Variants in BCORL1 observed in about 807,000 individuals in gnomAD.
BCORL1 encodes the protein BCL-6 corepressor-like protein 1.
Under a neutral mutation model 87.6 loss-of-function variants are expected in BCORL1, and 7 were observed. The observed-to-expected ratio is 0.08, with a 90% CI of 0.05 to 0.15. The LOEUF is 0.15. BCORL1 is among the 10% of genes least tolerant of loss of function. The pLI, the probability that BCORL1 is intolerant of heterozygous loss-of-function variation, is 1.00. For missense variants in BCORL1, 1,215 were observed against 1,499.7 expected, an observed-to-expected ratio of 0.81 and a Z score of 3.13; for synonymous variants, 591 against 634.4, an observed-to-expected ratio of 0.93 and a Z score of 1.03.
At chrX:130,043,234 T>C (rs892118706) in intron 11 of BCORL1, among the ~76,000 whole-genome samples, 2 of 110,663 alleles carry the variant, frequency 1.8e-5, no homozygotes, top group African/African-American at 3.3e-5. Flanking sequence ...TTCACCATGT[T>C]GGCCAGGCTG....
rs1931504581 is a variant in BCORL1, at chrX:130,043,759, TATATATATATATATATATATATA to T, written c.4840+4478_4840+4500del. On this transcript the variant is annotated intron_variant, in intron 11 of 13. Coordinates refer to ENST00000540052, the MANE Select transcript of BCORL1 (RefSeq NM_001379451.1). ...CCAGCTAATTTGTTATATATATATA[TATATATATATATATATATATATA>T]TATTTTTTTTTTTTTTTTTTTTTGA... Among the ~76,000 whole-genome samples, 2 of 14,257 alleles carry T rather than the reference TATATATATATATATATATATATA, an allele frequency of 1.4e-4. 1 individual carries two copies. The highest frequency in any genetic ancestry group is 0.067 in the Middle Eastern group (2 of 30). 12.4% of individuals were successfully genotyped at this position (14,257 alleles called of 115,157 possible).
intron 1 of BCORL1, among the ~76,000 whole-genome samples, chrX:130,001,296 C>T (rs766008450): frequency 1.8e-5 from 2 of 111,936 alleles, no homozygotes; most frequent in South Asian, 7.3e-4. Flanking sequence ...CCCATGTTGG[C>T]TATGCTGATC....
chrX:129,999,790 T>C lies in BCORL1; in HGVS notation c.-44-5398T>C, dbSNP rs961696194. Among the ~76,000 whole-genome samples, 3 of 109,742 alleles carry C rather than the reference T, an allele frequency of 2.7e-5. No individual in the cohort carries two copies. The Admixed American group carries it at 2.9e-4, about 11-fold the overall frequency. On this transcript the variant is annotated intron_variant, in intron 1 of 13. Coordinates refer to ENST00000540052, the MANE Select transcript of BCORL1 (RefSeq NM_001379451.1). ...CCCGGGTTCAAGCAATTTTCCTGCA[T>C]CAGCCTCCGAGTAGCTGAGATTACA...
chrX:130,025,087 A>G lies in BCORL1; in HGVS notation c.3786A>G (p.Pro1262=). 1 of 1,211,903 alleles carries G rather than the reference A, an allele frequency of 8.3e-7. No individual in the cohort carries two copies. Among genetic ancestry groups the G allele is most frequent in the East Asian group, 3.0e-5 (1 of 33,836 alleles). ...AAGAAGAGGAGGTAACCCCCACCCC[A>G]GCTAAGCGTCGAAAGGTGAGAAAGA... ...TEEEEEVTPT[P]AKRRKVRKTQ... Residue 1262 remains proline, a synonymous_variant, in exon 7 of 14, where the codon CCA becomes CCG. Coordinates refer to ENST00000540052, the MANE Select transcript of BCORL1 (RefSeq NM_001379451.1).
chrX:130,043,023 G>A (rs1318194452), intron 11 of BCORL1, among the ~76,000 whole-genome samples: 5 of 105,999 alleles, frequency 4.7e-5, no homozygotes, highest in Non-Finnish European at 3.9e-5. Flanking sequence ...GTGGGATTTA[G>A]TACATTCTCT....
Position 130,020,474 on chromosome X carries a change from C to A in BCORL1, c.3442-511C>A, listed in dbSNP as rs751798533. ...TCCTGTGTCATGTTTTTCTTCTTGC[C>A]TTAGTTGAATCTATTTTCTGGTATT... is the stretch of plus-strand genomic sequence containing the variant. On this transcript the variant is annotated intron_variant, in intron 4 of 13. Transcript: ENST00000540052. Among the ~76,000 whole-genome samples the A allele has an allele frequency of 2.7e-5, 3 of 111,802 alleles. No individual in the cohort carries two copies. The South Asian group carries it at 1.1e-3, about 41-fold the overall frequency.
intron 9 of BCORL1, among the ~76,000 whole-genome samples, chrX:130,036,884 G>T (rs1469404100): frequency 1.8e-5 from 2 of 112,009 alleles, no homozygotes; most frequent in African/African-American, 6.5e-5. Flanking sequence ...GGTGGCTCAC[G>T]CCTGTAACCC....
intron 8 of BCORL1, among the ~76,000 whole-genome samples, chrX:130,029,494 G>A (rs1310982180): frequency 2.7e-5 from 3 of 111,190 alleles, no homozygotes; most frequent in African/African-American, 9.8e-5. Context: ...TGTATCCTTA[G>A]AAAAAATCAG....
intron 3 of BCORL1, 69 bp from the exon 4 acceptor site, chrX:130,012,881 C>T (rs1033549152): frequency 8.7e-6 from 10 of 1,149,544 alleles, no homozygotes; most frequent in African/African-American, 5.4e-5. Context: ...AGTTGCCTCT[C>T]GGGCCTCAGG....
At chrX:129,990,073 A>G (rs1926985005) in intron 1 of BCORL1, among the ~76,000 whole-genome samples, 1 of 111,723 alleles carries the variant, frequency 9.0e-6, no homozygotes, top group Non-Finnish European at 1.9e-5. Context: ...GGCATGGGCC[A>G]CCATGCCCGG....
intron 1 of BCORL1, among the ~76,000 whole-genome samples, chrX:129,992,638 T>C (rs1028305154): frequency 8.9e-6 from 1 of 112,136 alleles, no homozygotes; most frequent in Non-Finnish European, 1.9e-5. Flanking sequence ...CAGGAGACTT[T>C]TATAAAAGCA....
intron 10 of BCORL1, 55 bp from the exon 11 acceptor site, chrX:130,039,082 G>A (rs761493494): frequency 8.4e-5 from 99 of 1,180,040 alleles, no homozygotes; most frequent in Non-Finnish European, 1.1e-4. Context: ...CTTAAGTGTA[G>A]ACACCCCAGT....
At chrX:130,043,772 A>ATG (rs1569388558) in intron 11 of BCORL1, among the ~76,000 whole-genome samples, 4 of 19,967 alleles carry the variant, frequency 2.0e-4, no homozygotes, top group African/African-American at 3.8e-4. Flanking sequence ...ATATATATAT[A>ATG]TATATATATA....
At position 130,014,191 on chromosome X, in the gene BCORL1, C is replaced by T. The variant is rs371757810; in HGVS notation, c.1419C>T (p.Ser473=). 5.9e-5 allele frequency: 71 copies of T among 1,208,657 alleles called. No individual in the cohort carries two copies. The African/African-American group carries it at 8.1e-4, about 14-fold the overall frequency. ...CACTGCCAACCACTCTAGGGGTTTC[C>T]TCCACTCTTACGCTCCCTGTCCTGC... The part of the protein sequence containing the change: ...VATLPTTLGV[S]STLTLPVLPS... Residue 473 remains serine (S), a synonymous_variant, in exon 4 of 14, where the codon TCC becomes TCT. Transcript: ENST00000540052.
intron 5 of BCORL1, 81 bp downstream of exon 5, chrX:130,021,231 G>A (rs1035645450): frequency 8.9e-7 from 1 of 1,119,264 alleles, no homozygotes; most frequent in Non-Finnish European, 1.2e-6. Flanking sequence ...AGGGGCTCAG[G>A]CGCTGACTCC....
At position 130,013,775 on chromosome X, in the gene BCORL1, A is replaced by C. The variant is rs745619290; in HGVS notation, c.1003A>C (p.Thr335Pro). The C allele has an allele frequency of 1.5e-5, 17 of 1,167,184 alleles. No individual in the cohort carries two copies. The highest frequency in any genetic ancestry group is 2.3e-4 in the Middle Eastern group (1 of 4,313). Residue 335 changes from threonine (T) to proline (P), a missense_variant, in exon 4 of 14, where the codon ACT becomes CCT. Coordinates refer to ENST00000540052, the MANE Select transcript of BCORL1 (RefSeq NM_001379451.1). ...GACCTTGGTTCTCGCTCCCGTCCCC[A>C]CTCCGGTTCTGGCTCCCATGCCAGC... is the stretch of plus-strand genomic sequence containing the variant. ...APTLVLAPVP[T>P]PVLAPMPAST...
In BCORL1 at chrX:130,057,718, G is replaced by A. The variant is rs1932474669; in HGVS notation, c.*1582G>A. The A allele has an allele frequency of 1.8e-5, 2 of 109,157 alleles. No homozygotes were observed. The highest frequency in any genetic ancestry group is 3.8e-5 in the Non-Finnish European group (2 of 52,455). The allele number at this position is 109,157 out of a possible 1,213,427, so 9.0% of individuals were successfully genotyped here. A position where few individuals can be genotyped will look rare whatever the true frequency, so the allele number is the denominator to read the frequency against. ...CTAGAGGCTCCTGAGCCATGCGGGA[G>A]CATTGGTGGTTATTTTCTTTGTATT... On this transcript the variant is annotated 3_prime_UTR_variant, in exon 14 of 14. Transcript: ENST00000540052.
chrX:130,046,204 C>T (rs760228173), intron 11 of BCORL1, among the ~76,000 whole-genome samples: 2 of 110,321 alleles, frequency 1.8e-5, no homozygotes, highest in Non-Finnish European at 3.8e-5. Flanking sequence ...AAGAGGATCA[C>T]TTGAGCCCAG....
rs780644801 is a variant in BCORL1, at chrX:130,014,664, A to G, written c.1892A>G (p.Gln631Arg). 8.3e-7 allele frequency: 1 copy of G among 1,211,363 alleles called. No individual in the cohort carries two copies. Among genetic ancestry groups the G allele is most frequent in the Admixed American group, 2.2e-5 (1 of 45,989 alleles). Residue 631 changes from glutamine (Q) to arginine (R), a missense_variant, in exon 4 of 14, where the codon CAG becomes CGG. Physicochemically the swap from Gln to Arg is conservative, Grantham distance 43 (BLOSUM62 1). Coordinates refer to ENST00000540052, the MANE Select transcript of BCORL1 (RefSeq NM_001379451.1). Reference protein sequence around the residue: ...PLDLSSKSNRQKLPLPNQRKT... With the variant: ...PLDLSSKSNRRKLPLPNQRKT... ...GATCTGTCCTCCAAGTCCAACCGCC[A>G]GAAGCTTCCATTGCCGAACCAGCGC...
Sources: gnomAD v4.1 joint callset for allele counts (sites outside exome capture counted in the v4.1 genomes callset) on GRCh38, gnomAD v4.1.1 for gene constraint, MANE v1.5 for transcripts, NCBI Gene and HGNC (gene_info 2026-07-23, HGNC 2026-07-21) for gene names.